Variants in KCNMA1 observed in about 807,000 individuals in gnomAD.
KCNMA1 encodes the protein potassium calcium-activated channel subfamily M alpha 1, also known as Calcium-activated potassium channel subunit alpha-1.
Under a neutral mutation model 140.0 loss-of-function variants are expected in KCNMA1, and 29 were observed. The ratio of observed to expected loss-of-function variants is 0.21; its 90% confidence interval spans 0.15 to 0.28. KCNMA1 has a LOEUF of 0.28. KCNMA1 is among the 10% of genes least tolerant of loss of function. The pLI is 1.00. For missense variants in KCNMA1, 880 were observed against 1,602.2 expected (o/e 0.55, Z 7.70); for synonymous variants, 612 against 611.9 (o/e 1.00, Z 0.00).
At chr10:77,127,748 T>A (rs1313784496) in intron 5 of KCNMA1, among the ~76,000 whole-genome samples, 1 of 151,996 alleles carries the variant, frequency 6.6e-6, no homozygotes, top group Non-Finnish European at 1.5e-5. Context: ...TGAGGTGGAC[T>A]GATCACTTGA....
At chr10:77,185,011 C>A (rs1261836551) in intron 3 of KCNMA1, 95 bp from the exon 4 acceptor site, 2 of 800,332 alleles carry the variant, frequency 2.5e-6, no homozygotes, top group Admixed American at 3.4e-5. Flanking sequence ...TTAGGGTAGA[C>A]GATGAAATGA....
downstream of KCNMA1, chr10:76,876,314 A>C (rs1469396199): frequency 6.6e-6 from 1 of 152,660 alleles, no homozygotes; most frequent in Non-Finnish European, 1.5e-5. Flanking sequence ...TCACTATTAC[A>C]TCCATGCTTC....
In KCNMA1 at chr10:77,497,856, C is replaced by T. The variant is rs895415125; in HGVS notation, c.379-93833G>A. Reference sequence around the variant, plus strand: ...GTCAGGAAGAAGTAGTGACTTGTCCCCCAATTCCCACACTCAGGAGCATGG... The same window carrying T: ...GTCAGGAAGAAGTAGTGACTTGTCCTCCAATTCCCACACTCAGGAGCATGG... On this transcript the variant is annotated intron_variant, in intron 1 of 27. Coordinates refer to ENST00000286628, the MANE Select transcript of KCNMA1 (RefSeq NM_001161352.2). 2.0e-5 allele frequency among the ~76,000 whole-genome samples: 3 copies of T among 152,322 alleles called. No individual in the cohort carries two copies. In the South Asian group the frequency reaches 6.2e-4, roughly 32 times the overall value.
intron 1 of KCNMA1, among the ~76,000 whole-genome samples, chr10:77,442,624 G>C (rs1263715846): frequency 6.6e-6 from 1 of 152,104 alleles, no homozygotes. Context: ...AGGACCTATC[G>C]AGAGAGCAGG....
rs143241455 is a variant in KCNMA1 at position 77,462,069 on chromosome 10, C to A, written c.379-58046G>T. On this transcript the variant is annotated intron_variant, in intron 1 of 27. Transcript: ENST00000286628. ...CACACTAATATAAACAACACAGACA[C>A]ACATACACATACACACGGACACGGA... Among the ~76,000 whole-genome samples the A allele has an allele frequency of 1.8e-4, 28 of 151,576 alleles. 1 individual carries two copies. In the East Asian group the frequency reaches 5.3e-3, roughly 28 times the overall value.
intron 2 of KCNMA1, among the ~76,000 whole-genome samples, chr10:77,371,494 CAT>C (rs2094712792): frequency 6.6e-6 from 1 of 152,200 alleles, no homozygotes; most frequent in Non-Finnish European, 1.5e-5. Flanking sequence ...AAATTGACAA[CAT>C]GTAAAAAATC....
At chr10:77,473,148 G>A (rs1165330287) in intron 1 of KCNMA1, among the ~76,000 whole-genome samples, 1 of 152,176 alleles carries the variant, frequency 6.6e-6, no homozygotes, top group Non-Finnish European at 1.5e-5. Flanking sequence ...AAGTGCAGGT[G>A]CCTGCTGACT....
intron 1 of KCNMA1, among the ~76,000 whole-genome samples, chr10:77,621,120 A>T (rs1332586642): frequency 6.6e-6 from 1 of 152,238 alleles, no homozygotes; most frequent in Non-Finnish European, 1.5e-5. Flanking sequence ...AAAGAGAGCC[A>T]TATTGAAATA....
chr10:77,562,614 TGCAATTCCCTAGGCCCA>T (rs759140728), intron 1 of KCNMA1, among the ~76,000 whole-genome samples: 43 of 152,196 alleles, frequency 2.8e-4, no homozygotes, highest in Admixed American at 3.9e-4. Context: ...CACATGACAA[TGCAATTCCCTAGGCCCA>T]GCATTCCCTC....
At chr10:77,263,094 C>G (rs1024737788) in intron 2 of KCNMA1, among the ~76,000 whole-genome samples, 1 of 152,130 alleles carries the variant, frequency 6.6e-6, no homozygotes, top group Non-Finnish European at 1.5e-5. Flanking sequence ...CATAACCCTC[C>G]CACAGGAATA....
intron 9 of KCNMA1, among the ~76,000 whole-genome samples, chr10:77,104,777 A>G (rs1186247165): frequency 6.6e-6 from 1 of 152,198 alleles, no homozygotes; most frequent in African/African-American, 2.4e-5. Flanking sequence ...CAGGAGTGGA[A>G]TGAATCACAC....
intron 3 of KCNMA1, among the ~76,000 whole-genome samples, chr10:77,185,290 C>T (rs1476546167): frequency 6.6e-6 from 1 of 152,080 alleles, no homozygotes; most frequent in Non-Finnish European, 1.5e-5. Flanking sequence ...TTCTTTCTTT[C>T]TTTGAGAGGA....
At chr10:77,413,403 T>C (rs2096664912) in intron 1 of KCNMA1, among the ~76,000 whole-genome samples, 1 of 152,074 alleles carries the variant, frequency 6.6e-6, no homozygotes, top group African/African-American at 2.4e-5. Context: ...CAGCAACCTC[T>C]TTCACCTCCT....
chr10:77,223,315 T>C (rs1599166440), intron 3 of KCNMA1, among the ~76,000 whole-genome samples: 1 of 151,620 alleles, frequency 6.6e-6, no homozygotes, highest in East Asian at 1.9e-4. Context: ...ACACAGTGTA[T>C]TGGCTTTTCA....
intron 3 of KCNMA1, among the ~76,000 whole-genome samples, chr10:77,194,020 T>C (rs1026459802): frequency 6.6e-6 from 1 of 152,042 alleles, no homozygotes; most frequent in Non-Finnish European, 1.5e-5. Flanking sequence ...TAAACAATAA[T>C]CTATAACCAG....
chr10:77,480,332 G>A (rs1021694071), intron 1 of KCNMA1, among the ~76,000 whole-genome samples: 13 of 152,164 alleles, frequency 8.5e-5, no homozygotes, highest in South Asian at 4.1e-4. Context: ...CTGTGGTTGA[G>A]TCTGGCACAG....
chr10:77,567,094 A>G (rs1347849691), intron 1 of KCNMA1, among the ~76,000 whole-genome samples: 1 of 152,134 alleles, frequency 6.6e-6, no homozygotes, highest in Admixed American at 6.5e-5. Flanking sequence ...ACCGTCCTCT[A>G]GAAGAGCTGA....
chr10:77,127,759 G>C (rs2097773261), intron 5 of KCNMA1, among the ~76,000 whole-genome samples: 1 of 152,076 alleles, frequency 6.6e-6, no homozygotes, highest in Non-Finnish European at 1.5e-5. Context: ...GATCACTTGA[G>C]GTCAGGAGTT....
intron 1 of KCNMA1, among the ~76,000 whole-genome samples, chr10:77,613,665 C>A (rs2154568427): frequency 6.6e-6 from 1 of 152,310 alleles, no homozygotes; most frequent in South Asian, 2.1e-4. Context: ...ACTCTGTTCT[C>A]CGACAGGATG....
Sources: allele counts gnomAD v4.1 joint callset (sites outside exome capture counted in the v4.1 genomes callset), GRCh38; gene constraint gnomAD v4.1.1; transcripts MANE v1.5; gene names NCBI Gene and HGNC (gene_info 2026-07-23, HGNC 2026-07-21).